The following FAM53B variants were observed in gnomAD, a reference collection of about 807,000 sequenced individuals.
FAM53B encodes the protein protein FAM53B.
FAM53B carries 12 observed loss-of-function variants against 32.7 expected under a neutral mutation model. That is an observed-to-expected ratio of 0.37 (90% CI 0.24 to 0.59). The LOEUF is 0.59. FAM53B is among the 20% of genes least tolerant of loss of function. The pLI is 0.72. For missense variants in FAM53B, 477 were observed against 577.7 expected (o/e 0.83, Z 1.79); for synonymous variants, 234 against 228.7 (o/e 1.02, Z -0.21).
intron 4 of FAM53B, among the ~76,000 whole-genome samples, chr10:124,640,062 G>A (rs1300649564): frequency 1.3e-5 from 2 of 152,168 alleles, no homozygotes; most frequent in Non-Finnish European, 2.9e-5. Flanking sequence ...TCTACCCCTA[G>A]GAACCCCCAG....
intron 1 of FAM53B, among the ~76,000 whole-genome samples, chr10:124,741,195 G>C (rs983075818): frequency 5.9e-5 from 9 of 152,186 alleles, no homozygotes; most frequent in African/African-American, 2.2e-4. Flanking sequence ...ATGCCTGCAG[G>C]TTTCTTTTAT....
intron 4 of FAM53B, among the ~76,000 whole-genome samples, chr10:124,639,458 G>A (rs1949456435): frequency 6.6e-6 from 1 of 152,184 alleles, no homozygotes. Context: ...GCGGGTCATG[G>A]TGGGCATCAC....
At chr10:124,696,252 A>G (rs1411784343) in intron 2 of FAM53B, 40 bp from the exon 3 acceptor site, 2 of 1,577,156 alleles carry the variant, frequency 1.3e-6, no homozygotes, top group Admixed American at 3.3e-5. Flanking sequence ...TTCAAATCAT[A>G]GGAAGCATGT....
intron 4 of FAM53B, among the ~76,000 whole-genome samples, chr10:124,627,111 A>C (rs934603197): frequency 1.3e-5 from 2 of 152,234 alleles, no homozygotes; most frequent in South Asian, 2.1e-4. Context: ...ACAGTAAAAG[A>C]AAGCCAAGAA....
intron 4 of FAM53B, among the ~76,000 whole-genome samples, chr10:124,677,937 A>G (rs539101489): frequency 1.3e-5 from 2 of 152,304 alleles, no homozygotes. Context: ...TCACCATTTC[A>G]TAACCCTGGG....
At chr10:124,674,773 C>T (rs2134064732) in intron 4 of FAM53B, among the ~76,000 whole-genome samples, 1 of 152,362 alleles carries the variant, frequency 6.6e-6, no homozygotes, top group South Asian at 2.1e-4. Context: ...CTGGTAAGGC[C>T]TTGTTCTCCC....
At chr10:124,657,252 T>C (rs1949599075) in intron 4 of FAM53B, among the ~76,000 whole-genome samples, 1 of 151,344 alleles carries the variant, frequency 6.6e-6, no homozygotes, top group African/African-American at 2.4e-5. Flanking sequence ...GCTTTTCATA[T>C]TGGATAGAGT....
chr10:124,634,501 A>G (rs769468727), intron 4 of FAM53B, among the ~76,000 whole-genome samples: 19 of 152,334 alleles, frequency 1.2e-4, no homozygotes, highest in Non-Finnish European at 2.5e-4. Flanking sequence ...TGTGATAGTT[A>G]GTTCTCACGA....
intron 1 of FAM53B, among the ~76,000 whole-genome samples, chr10:124,732,327 C>T (rs879854101): frequency 2.6e-5 from 4 of 152,200 alleles, no homozygotes; most frequent in Admixed American, 2.6e-4. Flanking sequence ...CACTATCCAC[C>T]CAGAAACCGG....
intron 4 of FAM53B, among the ~76,000 whole-genome samples, chr10:124,631,791 C>T (rs1368051453): frequency 1.3e-5 from 2 of 152,158 alleles, no homozygotes; most frequent in Non-Finnish European, 2.9e-5. Flanking sequence ...GACGGCCCCG[C>T]CCTGTCTCCC....
At position 124,744,269 on chromosome 10, in the gene FAM53B, G is replaced by A. The variant is rs1950219460; in HGVS notation, c.-431C>T. 1 of 147,472 alleles carries A rather than the reference G, an allele frequency of 6.8e-6. No individual in the cohort carries two copies. Among genetic ancestry groups the A allele is most frequent in the Non-Finnish European group, 1.5e-5 (1 of 66,048 alleles). The allele number at this position is 147,472 out of a possible 1,614,324, so 9.1% of individuals were successfully genotyped here. A position where few individuals can be genotyped will look rare whatever the true frequency, so the allele number is the denominator to read the frequency against. Reference sequence around the variant, plus strand: ...CGGAGCCGCCAGACCGCGGCTGCGTGAACTCGGCCCGGCGCTTAGCGGGCG... The same window carrying A: ...CGGAGCCGCCAGACCGCGGCTGCGTAAACTCGGCCCGGCGCTTAGCGGGCG... On this transcript the variant is annotated 5_prime_UTR_variant, in exon 1 of 5. Coordinates refer to ENST00000337318, the MANE Select transcript of FAM53B (RefSeq NM_014661.4).
chr10:124,681,543 C>T (rs957952913), intron 4 of FAM53B, 64 bp downstream of exon 4: 129 of 1,410,416 alleles, frequency 9.1e-5, no homozygotes, highest in African/African-American at 2.2e-4. Flanking sequence ...TTGTCTAGGA[C>T]GGCCCAGAAC....
At chr10:124,630,136 A>G (rs1013105549) in intron 4 of FAM53B, among the ~76,000 whole-genome samples, 1 of 152,246 alleles carries the variant, frequency 6.6e-6, no homozygotes, top group Non-Finnish European at 1.5e-5. Flanking sequence ...GCATCAGCCA[A>G]GCGGGGTGGC....
intron 1 of FAM53B, among the ~76,000 whole-genome samples, chr10:124,743,412 C>G (rs1004563143): frequency 2.0e-5 from 3 of 152,208 alleles, no homozygotes; most frequent in Admixed American, 1.3e-4. Context: ...CGGTGGCCTC[C>G]CCGCGGGCTT....
chr10:124,715,524 T>A (rs949000884), intron 1 of FAM53B, among the ~76,000 whole-genome samples: 5 of 152,148 alleles, frequency 3.3e-5, no homozygotes, highest in Admixed American at 6.5e-5. Context: ...ACCCTGTCCT[T>A]CTCTCAAAGT....
intron 4 of FAM53B, among the ~76,000 whole-genome samples, chr10:124,645,011 G>C (rs1486458417): frequency 1.3e-5 from 2 of 152,236 alleles, no homozygotes; most frequent in African/African-American, 4.8e-5. Flanking sequence ...CTGCAGGGCT[G>C]AAGCCAGGCC....
chr10:124,624,553 T>G (rs1949333046), intron 4 of FAM53B, among the ~76,000 whole-genome samples: 1 of 152,140 alleles, frequency 6.6e-6, no homozygotes, highest in Admixed American at 6.5e-5. Flanking sequence ...CGCAGAAGCT[T>G]CTCCGCTCAC....
At chr10:124,714,483 G>A (rs532838123) in intron 1 of FAM53B, among the ~76,000 whole-genome samples, 66 of 152,260 alleles carry the variant, frequency 4.3e-4, no homozygotes, top group East Asian at 1.2e-3. Context: ...ACCTCTTGCC[G>A]GGCGTGGTGG....
rs373224205 is a variant in FAM53B, at chr10:124,623,324, G to C, written c.1187C>G (p.Ala396Gly). 18 of 1,612,456 alleles carry C rather than the reference G, an allele frequency of 1.1e-5. No homozygotes were observed. The African/African-American group carries it at 2.4e-4, about 21-fold the overall frequency. ...CCCAGGGGCCCCGCGGTCCCGCCAG[G>C]CTGCAGCCGGCTCCGCTCTCCTGCC... Reference protein sequence around the residue: ...DCGRRAEPAAAWRDRGAPGNS... With the variant: ...DCGRRAEPAAGWRDRGAPGNS... Residue 396 changes from alanine (A) to glycine (G), a missense_variant, in exon 5 of 5, where the codon GCC (alanine) becomes GGC (glycine). Physicochemically the swap from Ala to Gly is moderately conservative, Grantham distance 60. Transcript: ENST00000337318.
Sources: gnomAD v4.1 joint callset for allele counts (sites outside exome capture counted in the v4.1 genomes callset) on GRCh38, gnomAD v4.1.1 for gene constraint, MANE v1.5 for transcripts, NCBI Gene and HGNC (gene_info 2026-07-23, HGNC 2026-07-21) for gene names.